Variants in DLGAP1 observed in about 807,000 individuals in gnomAD.
DLGAP1 encodes disks large-associated protein 1.
A neutral mutation model predicts 90.8 loss-of-function variants in DLGAP1; 11 were observed. The ratio of observed to expected loss-of-function variants is 0.12; its 90% CI spans 0.08 to 0.20. The LOEUF (loss-of-function observed/expected upper bound fraction) is 0.20, where lower values mean the gene tolerates loss of function less well. Among genes scored for constraint, DLGAP1 ranks in the 10% least tolerant of loss-of-function variants. The probability of loss-of-function intolerance (pLI) is 1.00; values close to 1 mark genes in which losing one functional copy is unlikely to be tolerated. For missense variants in DLGAP1, 1,050 were observed against 1,333.8 expected, an observed-to-expected ratio of 0.79 and a Z score of 3.31; for synonymous variants, 558 against 540.7, an observed-to-expected ratio of 1.03 and a Z score of -0.44.
chr18:3,681,802 TAGTG>T (rs907079513), intron 7 of DLGAP1, among the ~76,000 whole-genome samples: 2 of 152,112 alleles, frequency 1.3e-5, no homozygotes, highest in South Asian at 2.1e-4. Flanking sequence ...GTCCTCATGA[TAGTG>T]AGTGAATTCG....
intron 7 of DLGAP1, among the ~76,000 whole-genome samples, chr18:3,664,335 G>A (rs569007535): frequency 6.6e-6 from 1 of 152,042 alleles, no homozygotes; most frequent in Non-Finnish European, 1.5e-5. Context: ...CTAAATTCCT[G>A]ATTCAAAATC....
intron 3 of DLGAP1, among the ~76,000 whole-genome samples, chr18:3,944,386 C>T (rs1256376119): frequency 6.6e-6 from 1 of 152,180 alleles, no homozygotes; most frequent in Non-Finnish European, 1.5e-5. Context: ...ATCCTAGCTA[C>T]TCAGGAGGCT....
chr18:4,135,120 G>A (rs989156401), intron 2 of DLGAP1, among the ~76,000 whole-genome samples: 1 of 152,126 alleles, frequency 6.6e-6, no homozygotes. Context: ...AAATATTACG[G>A]TTAATGTGGT....
At chr18:3,866,592 G>A (rs574875885) in intron 4 of DLGAP1, among the ~76,000 whole-genome samples, 16 of 152,176 alleles carry the variant, frequency 1.1e-4, no homozygotes, top group Non-Finnish European at 2.1e-4. Context: ...AGACTTTGGT[G>A]GTTAAAAAGT....
chr18:3,685,102 A>G (rs367942), intron 7 of DLGAP1, among the ~76,000 whole-genome samples: 23,659 of 152,064 alleles, frequency 0.16, 4,226 homozygotes, highest in African/African-American at 0.44. Flanking sequence ...AAAAATAAGC[A>G]TATCTTCCAT....
intron 6 of DLGAP1, among the ~76,000 whole-genome samples, chr18:3,738,318 T>G (rs1370023966): frequency 8.9e-5 from 13 of 146,358 alleles, no homozygotes; most frequent in East Asian, 7.9e-4. Flanking sequence ...CATCGCCAAG[T>G]CAATCCTAAG....
At chr18:4,289,446 G>T (rs76248239) in intron 1 of DLGAP1, among the ~76,000 whole-genome samples, 3,697 of 152,258 alleles carry the variant, frequency 0.024, 168 homozygotes, top group African/African-American at 0.084. Flanking sequence ...TGATGAAAGT[G>T]CTGCTGAAAA....
intron 2 of DLGAP1, among the ~76,000 whole-genome samples, chr18:4,125,082 G>A (rs1206307390): frequency 2.0e-5 from 3 of 152,192 alleles, no homozygotes; most frequent in Non-Finnish European, 4.4e-5. Flanking sequence ...CAGTATATAG[G>A]AGCAAGGCAA....
chr18:4,330,630 A>T (rs567954810), intron 1 of DLGAP1, among the ~76,000 whole-genome samples: 24 of 152,000 alleles, frequency 1.6e-4, no homozygotes, highest in Non-Finnish European at 2.5e-4. Flanking sequence ...AATGTGGGTT[A>T]TATACAAATG....
intron 3 of DLGAP1, among the ~76,000 whole-genome samples, chr18:3,973,373 T>C (rs2149009682): frequency 6.6e-6 from 1 of 151,860 alleles, no homozygotes; most frequent in Non-Finnish European, 1.5e-5. Flanking sequence ...AATAATAAGC[T>C]ACTAGTCATT....
intron 6 of DLGAP1, among the ~76,000 whole-genome samples, chr18:3,738,642 T>G (rs916545210): frequency 5.3e-5 from 8 of 151,982 alleles, no homozygotes; most frequent in African/African-American, 1.9e-4. Context: ...AATTAAAGAC[T>G]TAAACGTTAG....
In DLGAP1 at chr18:3,526,437, C is replaced by T. The variant is rs2051623656; in HGVS notation, c.2479+7757G>A. On this transcript the variant is annotated intron_variant, in intron 10 of 12. Coordinates refer to ENST00000315677, the MANE Select transcript of DLGAP1 (RefSeq NM_004746.4). This position sits in a 1 kb window ranked among gnomAD's most constrained non-coding sequence, Gnocchi z 4.7. ...CAAACCCCATTTCAGGTGTCATTAC[C>T]AGCCCCGCATTCGCTGCCAAGGGTC... 6.6e-6 allele frequency among the ~76,000 whole-genome samples: 1 copy of T among 152,212 alleles called. No homozygotes were observed. The highest frequency in any genetic ancestry group is 6.5e-5 in the Admixed American group (1 of 15,284).
At chr18:4,201,746 G>T (rs1054625052) in intron 1 of DLGAP1, among the ~76,000 whole-genome samples, 3 of 151,994 alleles carry the variant, frequency 2.0e-5, no homozygotes, top group African/African-American at 7.2e-5. Flanking sequence ...CTAACCATCA[G>T]GAAAATCCAA....
At chr18:4,411,984 G>A (rs923919981) in intron 1 of DLGAP1, among the ~76,000 whole-genome samples, 11 of 152,178 alleles carry the variant, frequency 7.2e-5, no homozygotes, top group South Asian at 2.1e-4. Context: ...TTCTGGATGC[G>A]ACATGCTTAT....
rs10597845 is a variant in DLGAP1, at chr18:4,079,691, A to AATATATATAT, written c.-159+71479_-159+71488dup. 4.7e-4 allele frequency among the ~76,000 whole-genome samples: 69 copies of AATATATATAT among 146,604 alleles called. 1 individual carries two copies. The highest frequency in any genetic ancestry group is 1.6e-3 in the African/African-American group (64 of 39,906). On this transcript the variant is annotated intron_variant, in intron 2 of 12. Transcript: ENST00000315677. ...TGTACACCAAAAGCTATTGAAATTA[A>AATATATATAT]ATATATATATATATATATATATAAA... is the stretch of plus-strand genomic sequence containing the variant.
chr18:4,451,489 T>C (rs280983), intron 1 of DLGAP1, among the ~76,000 whole-genome samples: 60,390 of 151,988 alleles, frequency 0.4, 12,185 homozygotes, highest in Middle Eastern at 0.47. Context: ...TTAAAATGAA[T>C]GTCAGAAGAC....
intron 4 of DLGAP1, among the ~76,000 whole-genome samples, chr18:3,840,364 G>A (rs1035624865): frequency 6.6e-6 from 1 of 152,084 alleles, no homozygotes; most frequent in East Asian, 1.9e-4. Context: ...CTGGAGGCTC[G>A]AGGGGAGAAT....
intron 4 of DLGAP1, among the ~76,000 whole-genome samples, chr18:3,860,531 A>G (rs1007681751): frequency 6.6e-6 from 1 of 152,254 alleles, no homozygotes; most frequent in African/African-American, 2.4e-5. Flanking sequence ...GGATTTGAAC[A>G]CAGCTTTCTG....
Position 3,843,618 on chromosome 18 carries a change from C to T in DLGAP1, c.958-29345G>A, listed in dbSNP as rs182757534. Among the ~76,000 whole-genome samples, 336 of 151,960 alleles carry T rather than the reference C, an allele frequency of 2.2e-3. 1 individual carries two copies. The highest frequency in any genetic ancestry group is 6.8e-3 in the African/African-American group (283 of 41,420). On this transcript the variant is annotated intron_variant, in intron 4 of 12. Transcript: ENST00000315677. ...CGGGGCAGCCCAGCATGCTCTGGAG[C>T]GATGAGGGGTGAGAGAGAAAGGAAG...
Sources: gnomAD v4.1 joint callset for allele counts (sites outside exome capture counted in the v4.1 genomes callset) on GRCh38, gnomAD v4.1.1 for gene constraint, Gnocchi (gnomAD v3.1) non-coding constraint, MANE v1.5 for transcripts, NCBI Gene and HGNC (gene_info 2026-07-23, HGNC 2026-07-21) for gene names.